The following CACNA1C variants were observed in gnomAD, a reference collection of about 807,000 sequenced individuals.
CACNA1C encodes the protein calcium voltage-gated channel subunit alpha1 C.
In CACNA1C, 30 loss-of-function variants were observed where a neutral mutation model predicts 229.0. The observed-to-expected ratio is 0.13, with a 90% CI of 0.10 to 0.18. The LOEUF (loss-of-function observed/expected upper bound fraction) is 0.18, where lower values mean the gene tolerates loss of function less well. Ranked by LOEUF, CACNA1C falls within the 10% of genes least tolerant of loss-of-function variation. The pLI is 1.00. For synonymous variants in CACNA1C, 1,114 were observed against 1,132.5 expected, an observed-to-expected ratio of 0.98 and a Z score of 0.33; for missense variants, 1,658 against 2,845.0, an observed-to-expected ratio of 0.58 and a Z score of 9.49.
chr12:2,560,406 A>C (rs949124497), intron 11 of CACNA1C, among the ~76,000 whole-genome samples: 1 of 152,228 alleles, frequency 6.6e-6, no homozygotes, highest in African/African-American at 2.4e-5. Flanking sequence ...TGGAGTCTCT[A>C]GGGAAAATGT....
rs147827844 is a variant in CACNA1C at position 2,071,164 on chromosome 12, C to T, written c.49+17553C>T. On this transcript the variant is annotated intron_variant, in intron 1 of 46. Transcript: ENST00000399655. ...CTCCTCCCTCCCTCCCTCCCTCCCTCCCTCCCTCCCTGCCTGCCTGCCTGC... is the reference window on the plus strand; with the variant it reads ...CTCCTCCCTCCCTCCCTCCCTCCCTTCCTCCCTCCCTGCCTGCCTGCCTGC... Among the ~76,000 whole-genome samples, 27 of 22,630 alleles carry T rather than the reference C, an allele frequency of 1.2e-3. 3 individuals are homozygous for T. The highest frequency in any genetic ancestry group is 1.8e-3 in the African/African-American group (12 of 6,554). 14.8% of individuals were successfully genotyped at this position (22,630 alleles called of 152,430 possible).
chr12:2,151,136 A>G (rs2095218954), intron 3 of CACNA1C, among the ~76,000 whole-genome samples: 1 of 152,224 alleles, frequency 6.6e-6, no homozygotes, highest in Non-Finnish European at 1.5e-5. Context: ...TCCTATGGCC[A>G]CAACTCAACT....
chr12:2,266,540 C>T (rs1161448157), intron 3 of CACNA1C, among the ~76,000 whole-genome samples: 1 of 152,182 alleles, frequency 6.6e-6, no homozygotes, highest in East Asian at 1.9e-4. Flanking sequence ...CTTTATGGAC[C>T]TGGGAGTTGG....
At chr12:2,391,903 G>A (rs543157517) in intron 3 of CACNA1C, among the ~76,000 whole-genome samples, 55 of 152,318 alleles carry the variant, frequency 3.6e-4, no homozygotes, top group African/African-American at 1.3e-3. Context: ...TGTATCAGGT[G>A]CTCAGCTGCC....
At chr12:2,558,382 T>C (rs2045661729) in intron 11 of CACNA1C, among the ~76,000 whole-genome samples, 1 of 152,220 alleles carries the variant, frequency 6.6e-6, no homozygotes, top group Non-Finnish European at 1.5e-5. Context: ...CTGGAGTCCA[T>C]GCCCTCTACT....
intron 1 of CACNA1C, among the ~76,000 whole-genome samples, chr12:2,035,049 C>T (rs576644502): frequency 4.6e-5 from 7 of 152,174 alleles, no homozygotes; most frequent in Non-Finnish European, 1.0e-4. Context: ...GCGACAGCCC[C>T]GTCGTCCACC....
At chr12:2,682,772 G>C in intron 43 of CACNA1C, 94 bp downstream of exon 43, 1 of 1,218,558 alleles carries the variant, frequency 8.2e-7, no homozygotes, top group South Asian at 1.4e-5. Context: ...CTCTGGGGCT[G>C]ATTGCAGGAG....
At chr12:2,492,822 G>A (rs767683661) in intron 6 of CACNA1C, among the ~76,000 whole-genome samples, 9 of 152,160 alleles carry the variant, frequency 5.9e-5, no homozygotes, top group Non-Finnish European at 1.0e-4. Context: ...CGCTTTCTGG[G>A]TCAGTTTCCA....
intron 3 of CACNA1C, among the ~76,000 whole-genome samples, chr12:2,428,472 A>C (rs1335777921): frequency 1.3e-5 from 2 of 152,116 alleles, no homozygotes; most frequent in African/African-American, 4.8e-5. Context: ...GGGGCTATTA[A>C]TCCTGCCTGC....
intron 3 of CACNA1C, among the ~76,000 whole-genome samples, chr12:2,192,062 A>G (rs1225398537): frequency 6.6e-6 from 1 of 151,996 alleles, no homozygotes; most frequent in African/African-American, 2.4e-5. Flanking sequence ...ATACACACTC[A>G]GGCACAGACA....
intron 8 of CACNA1C, among the ~76,000 whole-genome samples, chr12:2,505,951 G>A (rs1372662793): frequency 6.6e-6 from 1 of 152,096 alleles, no homozygotes; most frequent in East Asian, 1.9e-4. Context: ...AGAAATTTAA[G>A]CATAAAGACA....
rs139259148 is a variant in CACNA1C, at chr12:2,054,108, G to A, written c.49+497G>A. On this transcript the variant is annotated intron_variant, in intron 1 of 46. Coordinates refer to ENST00000399655, the MANE Select transcript of CACNA1C (RefSeq NM_000719.7). The surrounding 1 kb of genome is among the most constrained non-coding windows in gnomAD (Gnocchi z 5.5). ...GCCGCCCCTGGGGCGCCCTCGCGCT[G>A]CCCGGCGTCCACTCTCGTCCAGGCG... Among the ~76,000 whole-genome samples, 7,353 of 150,224 alleles carry A rather than the reference G, an allele frequency of 0.049. 272 individuals are homozygous for A. The highest frequency in any genetic ancestry group is 0.089 in the Middle Eastern group (26 of 292).
chr12:2,098,239 C>T (rs1434542596), intron 1 of CACNA1C, among the ~76,000 whole-genome samples: 1 of 152,138 alleles, frequency 6.6e-6, no homozygotes, highest in Non-Finnish European at 1.5e-5. Context: ...TGCCTTCTAC[C>T]TTCTTGTCTG....
chr12:2,265,295 C>G (rs1429187683), intron 3 of CACNA1C, among the ~76,000 whole-genome samples: 2 of 152,204 alleles, frequency 1.3e-5, no homozygotes, highest in Admixed American at 1.3e-4. Flanking sequence ...TTGTGAATTA[C>G]AGAGCTGGAA....
Position 2,467,569 on chromosome 12 carries a change from G to C in CACNA1C, c.757+9863G>C, listed in dbSNP as rs1272403022. On this transcript the variant is annotated intron_variant, in intron 5 of 46. Transcript: ENST00000399655. The surrounding 1 kb of genome is among the most constrained non-coding windows in gnomAD (Gnocchi z 4.6). ...CTCTGCAGATGGGGCAGAGCACCCT[G>C]GAGGGCAGCCAGAGACAGCAGGGGG... Among the ~76,000 whole-genome samples, 2 of 152,168 alleles carry C rather than the reference G, an allele frequency of 1.3e-5. No homozygotes were observed. Among genetic ancestry groups the C allele is most frequent in the Non-Finnish European group, 2.9e-5 (2 of 68,010 alleles).
chr12:2,057,663 G>A (rs1021752595), intron 1 of CACNA1C, among the ~76,000 whole-genome samples: 9 of 152,334 alleles, frequency 5.9e-5, no homozygotes, highest in Middle Eastern at 3.4e-3. Context: ...CACCCAGTCC[G>A]TCGCAGGCTC....
In CACNA1C at chr12:2,067,479, TGTGC is replaced by T. The variant is rs1214714065; in HGVS notation, c.49+13870_49+13873del. Among the ~76,000 whole-genome samples, 355 of 127,050 alleles carry T rather than the reference TGTGC, an allele frequency of 2.8e-3. 3 individuals carry two copies. Among genetic ancestry groups the T allele is most frequent in the African/African-American group, 9.5e-3 (328 of 34,420 alleles). The allele number at this position is 127,050 out of a possible 152,430, so 83.3% of individuals were successfully genotyped here. On this transcript the variant is annotated intron_variant, in intron 1 of 46. Coordinates refer to ENST00000399655, the MANE Select transcript of CACNA1C (RefSeq NM_000719.7). The surrounding 1 kb of genome is among the most constrained non-coding windows in gnomAD (Gnocchi z 5.3). ...GTGTGTGTGTGTGTGTGTGTGTGTG[TGTGC>T]GCGCGTGTGCGTGCCTGTATGTAAG...
rs1165009288 is a variant in CACNA1C, at chr12:2,607,055, G to A, written c.3281G>A (p.Ser1094Asn). 2 of 1,613,960 alleles carry A rather than the reference G, an allele frequency of 1.2e-6. No homozygotes were observed. The highest frequency in any genetic ancestry group is 1.7e-6 in the Non-Finnish European group (2 of 1,179,866). Residue 1094 changes from serine (S) to asparagine (N), a missense_variant, in exon 26 of 47, where the codon AGC becomes AAC. This residue lies in a region of CACNA1C where 77 missense variants were observed against 130.9 expected (regional missense o/e 0.59). Coordinates refer to ENST00000399655, the MANE Select transcript of CACNA1C (RefSeq NM_000719.7). The part of the protein sequence containing the change: ...PIIQPRSWEN[S>N]KFDFDNVLAA... ...ATCCAACCCCGCAGCTGGGAGAACA[G>A]CAAGTTTGACTTTGACAATGTTCTG...
Position 2,607,040 on chromosome 12 carries a change from G to A in CACNA1C, c.3266G>A (p.Arg1089His). ...GEVDHPIIQPRSWENSKFDFD... is the reference protein window; with the variant it reads ...GEVDHPIIQPHSWENSKFDFD... ...GTTGACCACCCCATCATCCAACCCCGCAGCTGGGAGAACAGCAAGTTTGAC... is the reference window on the plus strand; with the variant it reads ...GTTGACCACCCCATCATCCAACCCCACAGCTGGGAGAACAGCAAGTTTGAC... Residue 1089 changes from arginine (R) to histidine (H), a missense_variant, in exon 26 of 47, where the codon CGC (arginine) becomes CAC (histidine). Coordinates refer to ENST00000399655, the MANE Select transcript of CACNA1C (RefSeq NM_000719.7). 6.2e-7 allele frequency: 1 copy of A among 1,613,946 alleles called. No homozygotes were observed. Among genetic ancestry groups the A allele is most frequent in the Non-Finnish European group, 8.5e-7 (1 of 1,179,876 alleles).
Sources: gnomAD v4.1 joint callset for allele counts (sites outside exome capture counted in the v4.1 genomes callset) on GRCh38, gnomAD v4.1.1 for gene constraint, gnomAD v4.1.1 regional missense constraint, Gnocchi (gnomAD v3.1) non-coding constraint, MANE v1.5 for transcripts, NCBI Gene and HGNC (gene_info 2026-07-23, HGNC 2026-07-21) for gene names.